The following TRPV1 variants were observed in gnomAD, a reference collection of about 807,000 sequenced individuals.
TRPV1 encodes OTRPC1.
A neutral mutation model predicts 82.3 loss-of-function variants in TRPV1; 82 were observed. That is an observed-to-expected ratio of 1.00 (90% CI 0.83 to 1.20). TRPV1 has a LOEUF of 1.20. Among genes scored for constraint, TRPV1 ranks in the 50% most tolerant of loss-of-function variants. The probability of loss-of-function intolerance (pLI) is 0.00; values close to 1 mark genes in which losing one functional copy is unlikely to be tolerated. For missense variants in TRPV1, 1,067 were observed against 1,096.8 expected (o/e 0.97, Z 0.38); for synonymous variants, 515 against 467.7 (o/e 1.10, Z -1.30).
Position 3,590,337 on chromosome 17 carries a change from G to A in TRPV1, c.660C>T (p.Leu220=). ...GGACGTCTGCTCCGTTCTCCACCAG[G>A]AGGGTCACCAGGGCCATGTTGCGTC... The part of the protein sequence containing the change: ...IERRNMALVT[L]LVENGADVQA... The change falls in exon 6 of 17, where the codon CTC becomes CTT. Residue 220 remains leucine (L), a synonymous_variant. Coordinates refer to ENST00000572705, the MANE Select transcript of TRPV1 (RefSeq NM_080704.4). The A allele has an allele frequency of 6.2e-7, 1 of 1,614,006 alleles. No individual in the cohort carries two copies. Among genetic ancestry groups the A allele is most frequent in the Non-Finnish European group, 8.5e-7 (1 of 1,179,898 alleles).
intron 3 of TRPV1, 105 bp downstream of exon 3, chr17:3,591,962 G>A (rs2075163558): frequency 2.1e-6 from 3 of 1,456,866 alleles, no homozygotes; most frequent in African/African-American, 1.4e-5. Flanking sequence ...AGGCTCTCCA[G>A]CCCCCTGGCT....
At chr17:3,599,681 T>G (rs2075247971) in intron 2 of TRPV1, among the ~76,000 whole-genome samples, 1 of 150,994 alleles carries the variant, frequency 6.6e-6, no homozygotes, top group South Asian at 2.1e-4. Context: ...CAGGCTACAG[T>G]GCAATGGCGT....
intron 10 of TRPV1, among the ~76,000 whole-genome samples, chr17:3,581,089 A>C (rs1467813596): frequency 6.6e-6 from 1 of 151,998 alleles, no homozygotes; most frequent in African/African-American, 2.4e-5. Context: ...GAAAATCATT[A>C]AAATGTTATC....
chr17:3,589,062 G>C (rs1248391608), intron 7 of TRPV1: 1 of 1,103,976 alleles, frequency 9.1e-7, no homozygotes, highest in African/African-American at 1.5e-5. Flanking sequence ...GAGGTGGAAG[G>C]ATCACTTGAG....
chr17:3,576,668 A>AAAAATATATAT, intron 13 of TRPV1, among the ~76,000 whole-genome samples: 4 of 38,416 alleles, frequency 1.0e-4, no homozygotes, highest in African/African-American at 1.5e-4. Flanking sequence ...AAAAAAAAAA[A>AAAAATATATAT]ATATATATAT....
intron 16 of TRPV1, among the ~76,000 whole-genome samples, chr17:3,568,105 G>C (rs530648456): frequency 3.3e-5 from 5 of 152,050 alleles, no homozygotes; most frequent in African/African-American, 1.2e-4. Context: ...GGCGGATCAC[G>C]AGGTCAGGAG....
intron 2 of TRPV1, among the ~76,000 whole-genome samples, chr17:3,593,900 G>A (rs1274637320): frequency 6.6e-6 from 1 of 152,064 alleles, no homozygotes; most frequent in Non-Finnish European, 1.5e-5. Context: ...CAAGGCAGGT[G>A]GATCACCTGA....
chr17:3,581,795 G>T (rs1467640191), intron 10 of TRPV1, among the ~76,000 whole-genome samples: 1 of 147,328 alleles, frequency 6.8e-6, no homozygotes, highest in Non-Finnish European at 1.5e-5. Context: ...TGAGGCAGGA[G>T]AATCACTTGA....
At chr17:3,574,803 G>T (rs866223548) in intron 13 of TRPV1, among the ~76,000 whole-genome samples, 7 of 151,494 alleles carry the variant, frequency 4.6e-5, no homozygotes, top group South Asian at 4.2e-4. Context: ...GCCAGGTTGG[G>T]ATTATCCTAG....
intron 14 of TRPV1, 39 bp from the exon 15 acceptor site, chr17:3,572,288 G>C (rs1243799991): frequency 1.9e-6 from 3 of 1,577,820 alleles, no homozygotes; most frequent in African/African-American, 2.7e-5. Context: ...CTGAGGGGCA[G>C]AGGGTGCATC....
intron 9 of TRPV1, 29 bp downstream of exon 9, chr17:3,585,739 G>C: frequency 1.2e-6 from 2 of 1,602,994 alleles, no homozygotes; most frequent in Non-Finnish European, 1.7e-6. Flanking sequence ...CCACACCCTC[G>C]CCCACGAGGC....
chr17:3,583,915 A>G (rs570783267), intron 9 of TRPV1, among the ~76,000 whole-genome samples: 1 of 152,280 alleles, frequency 6.6e-6, no homozygotes, highest in East Asian at 1.9e-4. Context: ...GGAGTGGGTC[A>G]CCATCCACAT....
At chr17:3,586,956 G>A (rs190802669) in intron 8 of TRPV1, among the ~76,000 whole-genome samples, 3 of 152,184 alleles carry the variant, frequency 2.0e-5, no homozygotes, top group Admixed American at 2.0e-4. Flanking sequence ...ACTCCTTACT[G>A]CCTCAAGAGG....
chr17:3,577,854 A>T, intron 11 of TRPV1, 91 bp from the exon 12 acceptor site: 1 of 1,289,842 alleles, frequency 7.8e-7, no homozygotes, highest in Non-Finnish European at 1.1e-6. Flanking sequence ...TCAGAGGTCC[A>T]GACTGCAGGC....
chr17:3,606,638 T>C (rs764311987), intron 2 of TRPV1, among the ~76,000 whole-genome samples: 11 of 152,234 alleles, frequency 7.2e-5, no homozygotes, highest in Non-Finnish European at 1.3e-4. Context: ...GTGCACGTGG[T>C]TGTGACTTCA....
At chr17:3,590,759 C>T (rs963498388) in intron 5 of TRPV1, among the ~76,000 whole-genome samples, 8 of 151,944 alleles carry the variant, frequency 5.3e-5, no homozygotes, top group East Asian at 3.9e-4. Context: ...GACATCAGAT[C>T]GGGGAGGCAG....
chr17:3,592,127 G>A lies in TRPV1; in HGVS notation c.224C>T (p.Thr75Ile), dbSNP rs201334040. ...HEEGELDSCPTITVSPVITIQ... is the reference protein window; with the variant it reads ...HEEGELDSCPIITVSPVITIQ... ...GGTGATAACAGGGCTGACTGTGATG[G>A]TCGGGCAGGAGTCCAGCTCACCTTC... is the stretch of plus-strand genomic sequence containing the variant. Residue 75 changes from threonine to isoleucine, a missense_variant, in exon 3 of 17, where the codon ACC becomes ATC. Thr to Ile is a moderately conservative substitution (Grantham distance 89). Transcript: ENST00000572705. 4.3e-6 allele frequency: 7 copies of A among 1,613,794 alleles called. No individual in the cohort carries two copies. Among genetic ancestry groups the A allele is most frequent in the Non-Finnish European group, 5.9e-6 (7 of 1,179,882 alleles).
intron 10 of TRPV1, among the ~76,000 whole-genome samples, chr17:3,581,494 T>C (rs1173035142): frequency 1.3e-5 from 2 of 151,966 alleles, no homozygotes; most frequent in Non-Finnish European, 2.9e-5. Context: ...CAGTTGTCTC[T>C]GTGAAGACGA....
At chr17:3,589,097 A>G in intron 7 of TRPV1, 1 of 780,562 alleles carries the variant, frequency 1.3e-6, no homozygotes, top group Non-Finnish European at 2.1e-6. Context: ...GCCTGTCACC[A>G]GGAGCCACCA....
Sources: gnomAD v4.1 joint callset for allele counts (sites outside exome capture counted in the v4.1 genomes callset) on GRCh38, gnomAD v4.1.1 for gene constraint, MANE v1.5 for transcripts, NCBI Gene and HGNC (gene_info 2026-07-23, HGNC 2026-07-21) for gene names.